DENND5B: variants seen among roughly 807,000 people sequenced by gnomAD.
The protein encoded by DENND5B is DENN domain-containing protein 5B.
In DENND5B, 34 loss-of-function variants were observed where a neutral mutation model predicts 140.6. That is an observed-to-expected ratio of 0.24 (90% confidence interval 0.18 to 0.32). The LOEUF is 0.32. DENND5B is among the 10% of genes least tolerant of loss of function. DENND5B has a pLI of 1.00. For missense variants in DENND5B, 1,142 were observed against 1,560.2 expected (o/e 0.73, Z 4.52); for synonymous variants, 551 against 562.1 (o/e 0.98, Z 0.28).
At chr12:31,450,248 C>CA (rs1208933741) in intron 5 of DENND5B, among the ~76,000 whole-genome samples, 2 of 152,132 alleles carry the variant, frequency 1.3e-5, no homozygotes, top group African/African-American at 2.4e-5. Context: ...ACTTTGTTAC[C>CA]ATGTTAGAAC....
chr12:31,383,336 A>G lies in DENND5B; in HGVS notation c.*4267T>C, dbSNP rs953301340. 1 of 152,210 alleles carries G rather than the reference A, an allele frequency of 6.6e-6. No individual in the cohort carries two copies. The highest frequency in any genetic ancestry group is 2.4e-5 in the African/African-American group (1 of 41,466). The allele number at this position is 152,210 out of a possible 1,614,324, so 9.4% of individuals were successfully genotyped here. On this transcript the variant is annotated 3_prime_UTR_variant, in exon 21 of 21. Coordinates refer to ENST00000389082, the MANE Select transcript of DENND5B (RefSeq NM_144973.4). ...CAAAATACCTTAGGGATGTCAACAT[A>G]TACTACACATAAGCTGTTGTATAGT... is the stretch of plus-strand genomic sequence containing the variant.
intron 2 of DENND5B, among the ~76,000 whole-genome samples, chr12:31,488,835 C>T (rs897266292): frequency 6.6e-6 from 1 of 151,934 alleles, no homozygotes; most frequent in African/African-American, 2.4e-5. Context: ...CTAACAATAC[C>T]CCCTCACCAT....
intron 7 of DENND5B, among the ~76,000 whole-genome samples, chr12:31,436,595 C>T (rs545959287): frequency 6.6e-6 from 1 of 151,622 alleles, no homozygotes; most frequent in Non-Finnish European, 1.5e-5. Context: ...AGTGCAATGC[C>T]GCAATCTCAG....
intron 14 of DENND5B, among the ~76,000 whole-genome samples, chr12:31,407,482 T>C (rs1166094289): frequency 6.6e-6 from 1 of 152,210 alleles, no homozygotes; most frequent in Admixed American, 6.5e-5. Flanking sequence ...AGTAACCTAA[T>C]CAACGAATAG....
intron 3 of DENND5B, among the ~76,000 whole-genome samples, chr12:31,474,151 AG>A (rs1380097694): frequency 1.3e-5 from 2 of 152,228 alleles, no homozygotes; most frequent in Non-Finnish European, 1.5e-5. Context: ...AAACGAACAG[AG>A]GGATGGCAGA....
intron 11 of DENND5B, among the ~76,000 whole-genome samples, chr12:31,422,942 C>CTTT (rs369745344): frequency 0.011 from 1,573 of 139,878 alleles, 21 homozygotes; most frequent in East Asian, 0.038. Context: ...GTTATAAAAA[C>CTTT]TTTTTTTTTT....
At chr12:31,396,526 T>C (rs1307392934) in intron 17 of DENND5B, 3 of 152,484 alleles carry the variant, frequency 2.0e-5, no homozygotes, top group Admixed American at 2.0e-4. Context: ...GTGGAACATA[T>C]GCACAGGGGA....
At chr12:31,431,264 GC>G (rs1375696928) in intron 8 of DENND5B, among the ~76,000 whole-genome samples, 2 of 152,134 alleles carry the variant, frequency 1.3e-5, no homozygotes, top group African/African-American at 4.8e-5. Context: ...AAACGCCCTA[GC>G]CCTTTACAAG....
rs1338548381 is a variant in DENND5B at position 31,398,405 on chromosome 12, A to G, written c.3069-43T>C. Reference sequence around the variant, plus strand: ...AAGTTTTTTATTTTTTATTTTTTTGAGACAGGGTTCCCGCTCAGCCCCCTG... The same window carrying G: ...AAGTTTTTTATTTTTTATTTTTTTGGGACAGGGTTCCCGCTCAGCCCCCTG... On this transcript the variant is annotated intron_variant, in intron 16 of 20. Coordinates refer to ENST00000389082, the MANE Select transcript of DENND5B (RefSeq NM_144973.4). The G allele has an allele frequency of 4.6e-6, 7 of 1,510,214 alleles. No individual in the cohort carries two copies. In the African/African-American group the frequency reaches 8.5e-5, roughly 18 times the overall value. 93.6% of individuals were successfully genotyped at this position (1,510,214 alleles called of 1,614,324 possible).
intron 11 of DENND5B, among the ~76,000 whole-genome samples, chr12:31,418,735 A>T (rs1247837076): frequency 2.6e-5 from 4 of 152,152 alleles, no homozygotes; most frequent in African/African-American, 9.7e-5. Context: ...ACCATAATTA[A>T]CAAGTTGGCT....
At chr12:31,498,673 G>T (rs1946879690) in intron 1 of DENND5B, among the ~76,000 whole-genome samples, 1 of 152,074 alleles carries the variant, frequency 6.6e-6, no homozygotes, top group Non-Finnish European at 1.5e-5. Context: ...TGATATCACT[G>T]TTAAGAATTC....
intron 1 of DENND5B, among the ~76,000 whole-genome samples, chr12:31,572,556 AAAAACT>A (rs1401983842): frequency 6.8e-6 from 1 of 147,994 alleles, no homozygotes; most frequent in Non-Finnish European, 1.5e-5. Flanking sequence ...AAAAAAAAAA[AAAAACT>A]CACGAGTTAT....
rs759205059 is a variant in DENND5B at position 31,479,677 on chromosome 12, C to T, written c.816G>A (p.Arg272=). ...SELPLSDYPL[R]EAFELLGLEN... is the part of the protein sequence containing the mutation. ...CTAATCCCAGGAGCTCAAATGCCTC[C>T]CGAAGGGGGTAATCAGAGAGGGGGA... Residue 272 remains arginine (R), a synonymous_variant, in exon 3 of 21, where the codon CGG becomes CGA. Coordinates refer to ENST00000389082, the MANE Select transcript of DENND5B (RefSeq NM_144973.4). 6.3e-7 allele frequency: 1 copy of T among 1,585,718 alleles called. No individual in the cohort carries two copies. The highest frequency in any genetic ancestry group is 1.2e-5 in the South Asian group (1 of 86,194).
chr12:31,522,389 T>C (rs1302718182), intron 1 of DENND5B, among the ~76,000 whole-genome samples: 3 of 152,250 alleles, frequency 2.0e-5, no homozygotes, highest in Non-Finnish European at 2.9e-5. Flanking sequence ...CCCAATTTCC[T>C]AGGTGAGGTA....
chr12:31,408,156 C>A (rs7968408), intron 14 of DENND5B, among the ~76,000 whole-genome samples: 3,381 of 149,954 alleles, frequency 0.023, 118 homozygotes, highest in African/African-American at 0.078. Flanking sequence ...ATTAGCCGGG[C>A]ATGGTGACAT....
At chr12:31,556,759 T>C (rs1045157996) in intron 1 of DENND5B, among the ~76,000 whole-genome samples, 3 of 152,132 alleles carry the variant, frequency 2.0e-5, no homozygotes, top group African/African-American at 7.2e-5. Flanking sequence ...CTTAACAAAA[T>C]ACACACTGAA....
chr12:31,512,420 T>C (rs1947463358), intron 1 of DENND5B, among the ~76,000 whole-genome samples: 1 of 148,786 alleles, frequency 6.7e-6, no homozygotes, highest in Non-Finnish European at 1.5e-5. Context: ...TTAGTAGAGA[T>C]AAGGTCTTGC....
At chr12:31,534,105 T>C (rs1187966936) in intron 1 of DENND5B, among the ~76,000 whole-genome samples, 1 of 152,128 alleles carries the variant, frequency 6.6e-6, no homozygotes, top group Admixed American at 6.5e-5. Flanking sequence ...AAAAATACAT[T>C]TCTCTTGGAT....
At chr12:31,413,618 G>C in intron 12 of DENND5B, 54 bp from the exon 13 acceptor site, 2 of 1,569,084 alleles carry the variant, frequency 1.3e-6, no homozygotes, top group Non-Finnish European at 1.7e-6. Context: ...ACCCTGACTA[G>C]AAAAGAAGTA....
Sources: gnomAD v4.1 joint callset for allele counts (sites outside exome capture counted in the v4.1 genomes callset) on GRCh38, gnomAD v4.1.1 for gene constraint, MANE v1.5 for transcripts, NCBI Gene and HGNC (gene_info 2026-07-23, HGNC 2026-07-21) for gene names.